Variants in FAM193A observed in about 807,000 individuals in gnomAD.
The protein encoded by FAM193A is family with sequence similarity 193 member A.
Under a neutral mutation model 126.5 loss-of-function variants are expected in FAM193A, and 22 were observed. That is an observed-to-expected ratio of 0.17 (90% CI 0.12 to 0.25). The LOEUF is 0.25. Ranked by LOEUF, FAM193A falls within the 10% of genes least tolerant of loss-of-function variation. FAM193A has a pLI of 1.00. For missense variants in FAM193A, 1,675 were observed against 1,672.8 expected (o/e 1.00, Z -0.02); for synonymous variants, 761 against 646.8 (o/e 1.18, Z -2.68).
chr4:2,634,662 A>G (rs1743918594), intron 5 of FAM193A, among the ~76,000 whole-genome samples: 1 of 152,248 alleles, frequency 6.6e-6, no homozygotes, highest in African/African-American at 2.4e-5. Context: ...TTTAGAGATG[A>G]TAGCTGAGAA....
At chr4:2,607,996 C>T in intron 2 of FAM193A, 7 of 1,588,002 alleles carry the variant, frequency 4.4e-6, no homozygotes, top group South Asian at 1.2e-5. Flanking sequence ...CTCACCACAG[C>T]CCCTGCTGGG....
At chr4:2,670,857 C>A (rs1353203211) in intron 12 of FAM193A, among the ~76,000 whole-genome samples, 1 of 151,986 alleles carries the variant, frequency 6.6e-6, no homozygotes, top group Non-Finnish European at 1.5e-5. Context: ...TCATTTTTTC[C>A]CTTGAGGGTC....
intron 13 of FAM193A, among the ~76,000 whole-genome samples, chr4:2,672,789 G>T (rs1452370191): frequency 6.6e-6 from 1 of 152,156 alleles, no homozygotes; most frequent in Non-Finnish European, 1.5e-5. Context: ...ACTCTACAGG[G>T]TCTAAAATGT....
At position 2,699,989 on chromosome 4, in the gene FAM193A, T is replaced by C; in HGVS notation, c.3817T>C (p.Ser1273Pro). 4.3e-6 allele frequency: 7 copies of C among 1,613,630 alleles called. No homozygotes were observed. Among genetic ancestry groups the C allele is most frequent in the Non-Finnish European group, 5.1e-6 (6 of 1,179,936 alleles). The change falls in exon 19 of 21, where the codon TCT becomes CCT. Residue 1273 changes from serine (S) to proline (P), a missense_variant. Physicochemically the swap from Ser to Pro is moderately conservative, Grantham distance 74. Coordinates refer to ENST00000637812, the MANE Select transcript of FAM193A (RefSeq NM_001366318.2). ...SLEQTEEPET[S>P]SHSPSRHMNH... ...AGAGCAAACTGAAGAACCAGAAACCTCTTCTCACTCCCCATCCAGGCATAT... is the reference window on the plus strand; with the variant it reads ...AGAGCAAACTGAAGAACCAGAAACCCCTTCTCACTCCCCATCCAGGCATAT...
chr4:2,686,730 A>G (rs1715782446), intron 13 of FAM193A, among the ~76,000 whole-genome samples: 1 of 152,168 alleles, frequency 6.6e-6, no homozygotes, highest in Non-Finnish European at 1.5e-5. Flanking sequence ...CAGAGCCCTG[A>G]GAGTGCTTCT....
chr4:2,623,277 C>A (rs1451440043), intron 2 of FAM193A, among the ~76,000 whole-genome samples: 3 of 152,090 alleles, frequency 2.0e-5, no homozygotes, highest in Non-Finnish European at 4.4e-5. Flanking sequence ...TCAAGCAATT[C>A]TCCTGCCTCA....
intron 7 of FAM193A, among the ~76,000 whole-genome samples, chr4:2,651,386 CAG>C (rs372402137): frequency 3.9e-5 from 6 of 152,044 alleles, no homozygotes; most frequent in African/African-American, 1.4e-4. Context: ...TTATAAAGAA[CAG>C]AGATTTCATT....
intron 1 of FAM193A, among the ~76,000 whole-genome samples, chr4:2,561,946 T>C (rs1034061956): frequency 2.6e-5 from 4 of 152,280 alleles, no homozygotes; most frequent in African/African-American, 7.2e-5. Flanking sequence ...CTTCTTCCCA[T>C]ATTACAAAAT....
chr4:2,619,021 C>T (rs570913474), intron 2 of FAM193A, among the ~76,000 whole-genome samples: 1 of 152,252 alleles, frequency 6.6e-6, no homozygotes, highest in African/African-American at 2.4e-5. Context: ...CGTGAGCCAT[C>T]GCGTCTGGGC....
chr4:2,640,317 C>T (rs1298184009), intron 6 of FAM193A, among the ~76,000 whole-genome samples: 2 of 152,018 alleles, frequency 1.3e-5, no homozygotes, highest in African/African-American at 2.4e-5. Flanking sequence ...CCTGGTGTAG[C>T]GCATCCATGT....
At chr4:2,634,636 AGAAAC>A (rs970039342) in intron 5 of FAM193A, among the ~76,000 whole-genome samples, 23 of 152,376 alleles carry the variant, frequency 1.5e-4, no homozygotes, top group African/African-American at 5.0e-4. Context: ...TATCAAAACT[AGAAAC>A]AAAAACTTTT....
intron 7 of FAM193A, among the ~76,000 whole-genome samples, chr4:2,647,120 C>T (rs1165945189): frequency 6.6e-6 from 1 of 152,170 alleles, no homozygotes; most frequent in African/African-American, 2.4e-5. Context: ...CACGGGCTGT[C>T]ACCAGGCTCT....
chr4:2,540,007 A>G lies in FAM193A; in HGVS notation c.255+2837A>G, dbSNP rs372880620. On this transcript the variant is annotated intron_variant, in intron 1 of 20. Transcript: ENST00000637812. ...GTGGTATGCACTTGTAATCCCAGCT[A>G]CTCGGGAGACTGAGGCAGGAGAATT... is the stretch of plus-strand genomic sequence containing the variant. 2.8e-4 allele frequency among the ~76,000 whole-genome samples: 43 copies of G among 151,892 alleles called. 1 individual carries two copies. The highest frequency in any genetic ancestry group is 1.0e-3 in the African/African-American group (43 of 41,414).
At chr4:2,706,936 C>T (rs1577244791) in intron 19 of FAM193A, among the ~76,000 whole-genome samples, 2 of 152,014 alleles carry the variant, frequency 1.3e-5, no homozygotes, top group African/African-American at 4.8e-5. Context: ...GCCTGGCCAA[C>T]ATGGTGAAAC....
Position 2,668,788 on chromosome 4 carries a change from CTCTCTCTCTT to C in FAM193A, c.2080-3323_2080-3314del, listed in dbSNP as rs1185274578. Among the ~76,000 whole-genome samples the C allele has an allele frequency of 7.3e-5, 11 of 150,250 alleles. No individual in the cohort carries two copies. The East Asian group carries it at 2.1e-3, about 29-fold the overall frequency. ...TTCTTTTCTTTCTTTTCCTTTTCCT[CTCTCTCTCTT>C]TCTCTCTCTCTCTCTTTCTCTTTTC... On this transcript the variant is annotated intron_variant, in intron 12 of 20. Coordinates refer to ENST00000637812, the MANE Select transcript of FAM193A (RefSeq NM_001366318.2).
chr4:2,559,091 G>A (rs80196875), intron 1 of FAM193A, among the ~76,000 whole-genome samples: 4,498 of 152,266 alleles, frequency 0.03, 105 homozygotes, highest in Non-Finnish European at 0.043. Context: ...GGAGGGTTTG[G>A]ATCAATGATT....
At position 2,731,751 on chromosome 4, in the gene FAM193A, CTGTT is replaced by C. The variant is rs770086171; in HGVS notation, c.4455-21_4455-18del. 29 of 1,591,666 alleles carry C rather than the reference CTGTT, an allele frequency of 1.8e-5. No homozygotes were observed. In the East Asian group the frequency reaches 3.6e-4, roughly 20 times the overall value. ...GGTTGTGGGCTGTTTCCTTCAGTGACTGTTTGGCTTTTTGTCTTTGCAGGTTCTG... is the reference window on the plus strand; with the variant it reads ...GGTTGTGGGCTGTTTCCTTCAGTGACTGGCTTTTTGTCTTTGCAGGTTCTG... On this transcript the variant is annotated intron_variant, in intron 20 of 20. Coordinates refer to ENST00000637812, the MANE Select transcript of FAM193A (RefSeq NM_001366318.2).
chr4:2,589,323 C>T (rs1740396881), intron 1 of FAM193A, among the ~76,000 whole-genome samples: 1 of 152,166 alleles, frequency 6.6e-6, no homozygotes, highest in Non-Finnish European at 1.5e-5. Flanking sequence ...TAGGGCAATT[C>T]AGGAGCAATC....
At chr4:2,652,277 C>A (rs911965386) in intron 7 of FAM193A, among the ~76,000 whole-genome samples, 1 of 152,148 alleles carries the variant, frequency 6.6e-6, no homozygotes, top group Non-Finnish European at 1.5e-5. Flanking sequence ...AGCTTTGAGT[C>A]TGGAAGCTTT....
Sources: allele counts gnomAD v4.1 joint callset (sites outside exome capture counted in the v4.1 genomes callset), GRCh38; gene constraint gnomAD v4.1.1; transcripts MANE v1.5; gene names NCBI Gene and HGNC (gene_info 2026-07-23, HGNC 2026-07-21).